Variants in FGF12 observed in about 807,000 individuals in gnomAD.
The protein encoded by FGF12 is fibroblast growth factor 12.
A neutral mutation model predicts 23.6 loss-of-function variants in FGF12; 14 were observed. The ratio of observed to expected loss-of-function variants is 0.59; its 90% CI spans 0.39 to 0.93. The LOEUF is 0.93. Ranked by LOEUF, FGF12 falls within the 40% of genes least tolerant of loss-of-function variation. FGF12 has a pLI of 0.00. For synonymous variants in FGF12, 62 were observed against 77.3 expected (o/e 0.80, Z 1.04); for missense variants, 175 against 217.8 (o/e 0.80, Z 1.24).
At chr3:192,168,703 T>C in intron 5 of FGF12, among the ~76,000 whole-genome samples, 1 of 152,208 alleles carries the variant, frequency 6.6e-6, no homozygotes, top group East Asian at 1.9e-4. Flanking sequence ...GACAACTGAT[T>C]ATCAAATATC....
In FGF12 at chr3:192,404,823, T is replaced by C. The variant is rs1720898437; in HGVS notation, c.14-44285A>G. 2.0e-5 allele frequency among the ~76,000 whole-genome samples: 3 copies of C among 152,196 alleles called. No individual in the cohort carries two copies. In the South Asian group the frequency reaches 6.2e-4, roughly 31 times the overall value. ...ATAGGTCTTCAATAATGCTATACGG[T>C]GGTCATTGCTGAAGTCCAATGGCCT... On this transcript the variant is annotated intron_variant, in intron 2 of 5. Coordinates refer to ENST00000445105, the MANE Select transcript of FGF12 (RefSeq NM_004113.6).
intron 2 of FGF12, among the ~76,000 whole-genome samples, chr3:192,711,434 C>T (rs1577135434): frequency 6.6e-6 from 1 of 152,262 alleles, no homozygotes; most frequent in Non-Finnish European, 1.5e-5. Flanking sequence ...GCCGCCACCC[C>T]GTCTGGGAGG....
At chr3:192,414,672 C>G (rs1303457919) in intron 2 of FGF12, among the ~76,000 whole-genome samples, 1 of 152,172 alleles carries the variant, frequency 6.6e-6, no homozygotes, top group African/African-American at 2.4e-5. Context: ...GTCATACAAT[C>G]AATGAGTGAA....
intron 2 of FGF12, among the ~76,000 whole-genome samples, chr3:192,460,729 A>C (rs1189405465): frequency 2.0e-5 from 3 of 150,826 alleles, no homozygotes; most frequent in African/African-American, 7.3e-5. Flanking sequence ...ACTTGCATTT[A>C]GATAGTGCCT....
intron 2 of FGF12, among the ~76,000 whole-genome samples, chr3:192,460,660 A>C (rs1722832765): frequency 6.9e-6 from 1 of 144,128 alleles, no homozygotes; most frequent in Non-Finnish European, 1.5e-5. Flanking sequence ...ATATATACAT[A>C]TACACACACA....
chr3:192,275,411 T>G (rs897585691), intron 4 of FGF12, among the ~76,000 whole-genome samples: 1 of 152,192 alleles, frequency 6.6e-6, no homozygotes, highest in Non-Finnish European at 1.5e-5. Flanking sequence ...CTTTTCTGTT[T>G]GTAAAACCAA....
intron 2 of FGF12, among the ~76,000 whole-genome samples, chr3:192,653,161 T>TATCC (rs1716275329): frequency 6.6e-6 from 1 of 152,218 alleles, no homozygotes; most frequent in South Asian, 2.1e-4. Context: ...ACGGTGGGCA[T>TATCC]ATCCATTTCT....
rs1170748175 is a variant in FGF12, at chr3:192,379,242, C to A, written c.14-18704G>T. 2.6e-5 allele frequency among the ~76,000 whole-genome samples: 4 copies of A among 152,114 alleles called. No individual in the cohort carries two copies. In the East Asian group the frequency reaches 7.7e-4, roughly 29 times the overall value. ...GCTTCCATAATTCATACCTACATTT[C>A]CCAAATGACTGTGTGATAAATACAT... On this transcript the variant is annotated intron_variant, in intron 2 of 5. Transcript: ENST00000445105.
intron 4 of FGF12, among the ~76,000 whole-genome samples, chr3:192,208,559 G>T (rs1003862683): frequency 1.2e-4 from 19 of 152,036 alleles, no homozygotes; most frequent in Admixed American, 3.3e-4. Flanking sequence ...AATTATAAAA[G>T]AAAAACTATT....
Position 192,487,887 on chromosome 3 carries a change from A to ACAGTAGTGGGACC in FGF12, c.14-127350_14-127349insGGTCCCACTACTG, listed in dbSNP as rs1560126518. ...ACTTGTTCATTACTGTAACTCCAGT[A>ACAGTAGTGGGACC]CCTAGAGTAGTGGGACCTGGGAAGC... On this transcript the variant is annotated intron_variant, in intron 2 of 5. Transcript: ENST00000445105. Among the ~76,000 whole-genome samples the ACAGTAGTGGGACC allele has an allele frequency of 7.2e-5, 11 of 152,224 alleles. No individual in the cohort carries two copies. In the East Asian group the frequency reaches 1.9e-3, roughly 27 times the overall value.
rs1713336676 is a variant in FGF12, at chr3:192,270,088, G to A, written c.228+65273C>T. 3.3e-5 allele frequency among the ~76,000 whole-genome samples: 5 copies of A among 151,446 alleles called. No homozygotes were observed. The South Asian group carries it at 1.0e-3, about 32-fold the overall frequency. ...TGTTCCACATCCTCCTGCATTCTGA[G>A]GTCAATGGAGTCAGGACCTAGCGGT... On this transcript the variant is annotated intron_variant, in intron 4 of 5. Transcript: ENST00000445105.
intron 4 of FGF12, among the ~76,000 whole-genome samples, chr3:192,320,452 A>G (rs1388532056): frequency 6.6e-6 from 1 of 152,178 alleles, no homozygotes; most frequent in African/African-American, 2.4e-5. Context: ...AATCTGCACT[A>G]TAGATCAAAT....
chr3:192,208,338 C>A (rs1351236988), intron 4 of FGF12, among the ~76,000 whole-genome samples: 2 of 152,116 alleles, frequency 1.3e-5, no homozygotes, highest in East Asian at 3.9e-4. Flanking sequence ...GGGAGTGTGA[C>A]AATATGAGTA....
At chr3:192,175,835 G>A (rs1188772867) in intron 4 of FGF12, among the ~76,000 whole-genome samples, 1 of 152,016 alleles carries the variant, frequency 6.6e-6, no homozygotes, top group Non-Finnish European at 1.5e-5. Context: ...AATGCTCCCT[G>A]ACCCCAGCTT....
At chr3:192,691,170 C>T (rs1329193470) in intron 2 of FGF12, among the ~76,000 whole-genome samples, 1 of 152,044 alleles carries the variant, frequency 6.6e-6, no homozygotes, top group African/African-American at 2.4e-5. Flanking sequence ...TTGAATTACT[C>T]TTCAGTACAA....
At chr3:192,659,904 G>A (rs1023851558) in intron 2 of FGF12, among the ~76,000 whole-genome samples, 2 of 152,046 alleles carry the variant, frequency 1.3e-5, no homozygotes, top group Non-Finnish European at 2.9e-5. Context: ...CAGTGATGAC[G>A]AGCATTTTTT....
At chr3:192,582,100 A>G (rs1713180683) in intron 2 of FGF12, among the ~76,000 whole-genome samples, 1 of 152,194 alleles carries the variant, frequency 6.6e-6, no homozygotes, top group Non-Finnish European at 1.5e-5. Context: ...ACAGATGTTA[A>G]CCTGGTTCAC....
intron 2 of FGF12, among the ~76,000 whole-genome samples, chr3:192,527,638 C>A (rs930270164): frequency 9.2e-5 from 14 of 152,208 alleles, no homozygotes; most frequent in African/African-American, 3.4e-4. Flanking sequence ...GTAAATAATC[C>A]ATTTAGACTG....
intron 4 of FGF12, among the ~76,000 whole-genome samples, chr3:192,309,135 T>C (rs191769159): frequency 1.2e-4 from 18 of 152,238 alleles, no homozygotes; most frequent in Admixed American, 1.0e-3. Context: ...ACATGCTAAA[T>C]TGACTATAAA....
Sources: allele counts gnomAD v4.1 joint callset (sites outside exome capture counted in the v4.1 genomes callset), GRCh38; gene constraint gnomAD v4.1.1; transcripts MANE v1.5; gene names NCBI Gene and HGNC (gene_info 2026-07-23, HGNC 2026-07-21).